Variants in RDX observed in about 807,000 individuals in gnomAD.
RDX encodes the protein deafness, autosomal recessive 24.
In RDX, 32 loss-of-function variants were observed where a neutral mutation model predicts 83.7. That is an observed-to-expected ratio of 0.38 (90% CI 0.29 to 0.51). The LOEUF (loss-of-function observed/expected upper bound fraction) is 0.51. Ranked by LOEUF, RDX falls within the 20% of genes least tolerant of loss-of-function variation. The probability of loss-of-function intolerance (pLI) is 0.87; values close to 1 mark genes in which losing one functional copy is unlikely to be tolerated. For missense variants in RDX, 600 were observed against 689.9 expected (o/e 0.87, Z 1.46); for synonymous variants, 229 against 222.7 (o/e 1.03, Z -0.25).
chr11:110,193,054 G>GAC (rs1255779303), intron 15 of RDX, among the ~76,000 whole-genome samples: 1 of 152,188 alleles, frequency 6.6e-6, no homozygotes, highest in African/African-American at 2.4e-5. Context: ...CTACCAGAGA[G>GAC]ACACATGCAC....
At chr11:110,267,515 A>ACACAC (rs1555044883) in intron 3 of RDX, among the ~76,000 whole-genome samples, 1 of 131,388 alleles carries the variant, frequency 7.6e-6, no homozygotes, top group African/African-American at 2.9e-5. Flanking sequence ...TCCGTCTCAA[A>ACACAC]ACACACACAC....
At chr11:110,292,685 TAG>T (rs1290934923) in intron 1 of RDX, among the ~76,000 whole-genome samples, 8 of 151,520 alleles carry the variant, frequency 5.3e-5, no homozygotes, top group Non-Finnish European at 1.0e-4. Flanking sequence ...CTGAAAGCCA[TAG>T]AGATTATCTA....
intron 7 of RDX, among the ~76,000 whole-genome samples, chr11:110,256,030 T>C (rs1859532714): frequency 6.6e-6 from 1 of 152,212 alleles, no homozygotes; most frequent in Non-Finnish European, 1.5e-5. Flanking sequence ...GACTCCGTTT[T>C]ACCACCCTAC....
At chr11:110,280,413 T>G (rs1349891296) in intron 1 of RDX, among the ~76,000 whole-genome samples, 1 of 152,136 alleles carries the variant, frequency 6.6e-6, no homozygotes, top group Non-Finnish European at 1.5e-5. Flanking sequence ...CCAGCTAGTT[T>G]TTTTATTTTA....
chr11:110,251,152 T>G (rs771374097), intron 9 of RDX, among the ~76,000 whole-genome samples: 10 of 152,214 alleles, frequency 6.6e-5, no homozygotes, highest in Admixed American at 1.3e-4. Flanking sequence ...TGCAGATATT[T>G]TTATTTGGAG....
chr11:110,205,527 T>C (rs1262694763), intron 14 of RDX, among the ~76,000 whole-genome samples: 2 of 150,182 alleles, frequency 1.3e-5, no homozygotes, highest in Non-Finnish European at 3.0e-5. Context: ...GTCAAAAGAT[T>C]AGTAACCACA....
At chr11:110,186,968 T>G (rs1192323188) in intron 15 of RDX, among the ~76,000 whole-genome samples, 1 of 152,130 alleles carries the variant, frequency 6.6e-6, no homozygotes, top group African/African-American at 2.4e-5. Flanking sequence ...GCAGCAAATG[T>G]GGAAGGTGTC....
At position 110,230,377 on chromosome 11, in the gene RDX, C is replaced by T. The variant is rs1864577151; in HGVS notation, c.*1492G>A. 1 of 151,764 alleles carries T rather than the reference C, an allele frequency of 6.6e-6. No individual in the cohort carries two copies. The highest frequency in any genetic ancestry group is 2.1e-4 in the South Asian group (1 of 4,796). 9.4% of individuals were successfully genotyped at this position (151,764 alleles called of 1,614,324 possible). On this transcript the variant is annotated 3_prime_UTR_variant, in exon 14 of 14. Coordinates refer to ENST00000645495, the MANE Select transcript of RDX (RefSeq NM_002906.4). The stretch of plus-strand genomic sequence containing the variant: ...AAAGATTTCTTCAGTAAGCTATAAC[C>T]GAAATTAATATAAACTAAAATTATA...
intron 14 of RDX, among the ~76,000 whole-genome samples, chr11:110,210,605 C>T (rs1451416630): frequency 6.6e-6 from 1 of 150,534 alleles, no homozygotes; most frequent in Non-Finnish European, 1.5e-5. Flanking sequence ...TCGGGTTACC[C>T]TCAAAGGGAA....
Position 110,246,414 on chromosome 11 carries a change from C to G in RDX, c.1090+1289G>C, listed in dbSNP as rs114175893. Among the ~76,000 whole-genome samples the G allele has an allele frequency of 9.4e-3, 1,430 of 152,214 alleles. 30 individuals are homozygous for G. The highest frequency in any genetic ancestry group is 0.033 in the African/African-American group (1,360 of 41,532). On this transcript the variant is annotated intron_variant, in intron 10 of 13. Transcript: ENST00000645495. The stretch of plus-strand genomic sequence containing the variant: ...TTAAATAAGACTGAGTATCCCTAAT[C>G]CAAAAAACGTGAAATCTGAAATGCT...
intron 1 of RDX, among the ~76,000 whole-genome samples, chr11:110,280,900 C>T (rs1018405098): frequency 2.6e-5 from 4 of 152,060 alleles, no homozygotes; most frequent in Non-Finnish European, 4.4e-5. Context: ...CATGGTGGCT[C>T]ATGCCTATAA....
At chr11:110,239,361 T>C (rs1490232391) in intron 10 of RDX, among the ~76,000 whole-genome samples, 1 of 152,092 alleles carries the variant, frequency 6.6e-6, no homozygotes, top group East Asian at 1.9e-4. Context: ...TAAAAAGCTC[T>C]ATACAGCAAA....
intron 15 of RDX, among the ~76,000 whole-genome samples, chr11:110,188,557 G>A (rs1471813555): frequency 1.3e-5 from 2 of 152,062 alleles, no homozygotes; most frequent in Admixed American, 1.3e-4. Flanking sequence ...TTGGGTAACA[G>A]TGTACACTGC....
intron 15 of RDX, among the ~76,000 whole-genome samples, chr11:110,195,118 G>A (rs890318852): frequency 3.9e-5 from 6 of 152,106 alleles, no homozygotes; most frequent in African/African-American, 1.5e-4. Context: ...AGCCTCCCGA[G>A]TAGCTGGGAT....
chr11:110,250,181 C>G (rs890238876), intron 9 of RDX, among the ~76,000 whole-genome samples: 7 of 152,222 alleles, frequency 4.6e-5, no homozygotes, highest in Non-Finnish European at 1.0e-4. Context: ...AAAGAAAGGC[C>G]TGGTGGCCCC....
At chr11:110,187,782 G>A (rs1863015786) in intron 15 of RDX, among the ~76,000 whole-genome samples, 1 of 152,264 alleles carries the variant, frequency 6.6e-6, no homozygotes, top group African/African-American at 2.4e-5. Context: ...CGGGGGTTGA[G>A]CAGGGAGTTC....
chr11:110,247,999 C>G (rs1205715833), intron 9 of RDX, among the ~76,000 whole-genome samples, 166 bp from the exon 10 acceptor site: 1 of 152,092 alleles, frequency 6.6e-6, no homozygotes, highest in African/African-American at 2.4e-5. Flanking sequence ...CATACAAATG[C>G]CATATGTTCT....
intron 3 of RDX, among the ~76,000 whole-genome samples, chr11:110,266,062 C>T (rs1453787596): frequency 3.9e-5 from 6 of 151,930 alleles, no homozygotes; most frequent in Admixed American, 6.6e-5. Flanking sequence ...CAGTGGCTCA[C>T]GTCTGTAATC....
chr11:110,254,153 C>T (rs762848939), intron 8 of RDX, 44 bp from the exon 9 acceptor site: 16 of 1,518,148 alleles, frequency 1.1e-5, no homozygotes, highest in Non-Finnish European at 1.5e-5. Flanking sequence ...CTCAAGGATA[C>T]TGTCTCTCAT....
Sources: allele counts gnomAD v4.1 joint callset (sites outside exome capture counted in the v4.1 genomes callset), GRCh38; gene constraint gnomAD v4.1.1; transcripts MANE v1.5; gene names NCBI Gene and HGNC (gene_info 2026-07-23, HGNC 2026-07-21).